The following LSMEM1 variants were observed in gnomAD, a reference collection of about 807,000 sequenced individuals.
The protein encoded by LSMEM1 is leucine-rich single-pass membrane protein 1.
Under a neutral mutation model 11.3 loss-of-function variants are expected in LSMEM1, and 10 were observed. The observed-to-expected ratio is 0.89, with a 90% confidence interval of 0.55 to 1.50. LSMEM1 has a LOEUF of 1.50. Ranked by LOEUF, LSMEM1 falls within the 40% of genes most tolerant of loss-of-function variation. The probability of loss-of-function intolerance (pLI) is 0.00; values close to 1 mark genes in which losing one functional copy is unlikely to be tolerated. For missense variants in LSMEM1, 151 were observed against 152.9 expected, an observed-to-expected ratio of 0.99 and a Z score of 0.06; for synonymous variants, 65 against 59.3, an observed-to-expected ratio of 1.10 and a Z score of -0.44.
intron 2 of LSMEM1, 71 bp downstream of exon 2, chr7:112,485,014 T>A (rs548186414): frequency 9.4e-6 from 13 of 1,380,688 alleles, no homozygotes; most frequent in Non-Finnish European, 1.3e-5. Context: ...CACTGCTGAC[T>A]GGATGTGTGG....
Position 112,484,870 on chromosome 7 carries a change from GC to G in LSMEM1, c.55del (p.Leu19PhefsTer7), listed in dbSNP as rs1403330384. Reference sequence around the variant, plus strand: ...CTTGTGGCATTCAGGAAGATGGAAAGCTTTATGTGGTGGATTCCATAAATGA... The same window carrying G: ...CTTGTGGCATTCAGGAAGATGGAAAGTTTATGTGGTGGATTCCATAAATGA... ...GSCGIQEDGK[L>X]YVVDSINDLN... On this transcript the variant is annotated frameshift_variant, in exon 2 of 4. Transcript: ENST00000312849. LOFTEE classifies it high-confidence loss of function. 6 of 1,613,886 alleles carry G rather than the reference GC, an allele frequency of 3.7e-6. No individual in the cohort carries two copies. Among genetic ancestry groups the G allele is most frequent in the Non-Finnish European group, 5.1e-6 (6 of 1,179,814 alleles).
chr7:112,481,018 A>G lies in LSMEM1; in HGVS notation c.-334A>G. 2.7e-6 allele frequency: 1 copy of G among 373,456 alleles called. No homozygotes were observed. Among genetic ancestry groups the G allele is most frequent in the Non-Finnish European group, 5.3e-6 (1 of 190,286 alleles). The allele number at this position is 373,456 out of a possible 1,614,324, so 23.1% of individuals were successfully genotyped here. A position where few individuals can be genotyped will look rare whatever the true frequency, so the allele number is the denominator to read the frequency against. ...TCCAATAAAAACCTCATCAGTTACC[A>G]ACTAAATCAGGGCATGGTGTTTTTT... On this transcript the variant is annotated 5_prime_UTR_variant, in exon 1 of 4. Coordinates refer to ENST00000312849, the MANE Select transcript of LSMEM1 (RefSeq NM_182597.3).
rs1439818619 is a variant in LSMEM1, at chr7:112,488,510, T to C, written c.257-1300T>C. Among the ~76,000 whole-genome samples, 4 of 152,310 alleles carry C rather than the reference T, an allele frequency of 2.6e-5. No individual in the cohort carries two copies. In the East Asian group the frequency reaches 7.7e-4, roughly 29 times the overall value. ...TACCAAATGCTATATATTGAGTCAT[T>C]ACTCTGTCCCAGACACTGTGCTAAG... On this transcript the variant is annotated intron_variant, in intron 3 of 3. Transcript: ENST00000312849.
intron 1 of LSMEM1, among the ~76,000 whole-genome samples, 198 bp from the exon 2 acceptor site, chr7:112,484,614 C>T (rs1197324396): frequency 6.6e-6 from 1 of 152,044 alleles, no homozygotes; most frequent in Non-Finnish European, 1.5e-5. Context: ...GCAAGCAAAG[C>T]AAAAAGAACG....
At chr7:112,487,281 T>C (rs1305375929) in intron 3 of LSMEM1, among the ~76,000 whole-genome samples, 1 of 152,214 alleles carries the variant, frequency 6.6e-6, no homozygotes, top group African/African-American at 2.4e-5. Flanking sequence ...AATATGTATG[T>C]TAAATAATTC....
intron 1 of LSMEM1, among the ~76,000 whole-genome samples, chr7:112,484,377 G>T (rs1401561673): frequency 1.3e-5 from 2 of 152,092 alleles, no homozygotes; most frequent in African/African-American, 2.4e-5. Context: ...GCTTAATTTT[G>T]TCTACCTAGT....
intron 3 of LSMEM1, among the ~76,000 whole-genome samples, chr7:112,487,402 C>G (rs983057475): frequency 7.2e-5 from 11 of 152,220 alleles, no homozygotes; most frequent in Non-Finnish European, 4.4e-5. Flanking sequence ...CCACTAAATT[C>G]AGATCTATAA....
intron 3 of LSMEM1, among the ~76,000 whole-genome samples, chr7:112,488,136 G>T (rs1796172350): frequency 6.6e-6 from 1 of 152,134 alleles, no homozygotes; most frequent in Non-Finnish European, 1.5e-5. Context: ...GTTGGGACTG[G>T]GAGGGAGGGG....
At chr7:112,482,172 C>T (rs3128384) in intron 1 of LSMEM1, among the ~76,000 whole-genome samples, 62,453 of 125,834 alleles carry the variant, frequency 0.5, 13,179 homozygotes, top group Middle Eastern at 0.67. Context: ...CGTGTTGCAG[C>T]TCATTAAAAA....
At chr7:112,484,734 T>G in intron 1 of LSMEM1, 78 bp from the exon 2 acceptor site, 1 of 1,508,224 alleles carries the variant, frequency 6.6e-7, no homozygotes. Flanking sequence ...CCTGTCTGGC[T>G]TCCTGGTGGC....
chr7:112,485,613 C>T (rs1796113986), intron 2 of LSMEM1, among the ~76,000 whole-genome samples: 1 of 152,138 alleles, frequency 6.6e-6, no homozygotes, highest in Non-Finnish European at 1.5e-5. Flanking sequence ...CTGTCTAAAT[C>T]CTTTCCAAGT....
At chr7:112,487,708 C>T (rs1554512147) in intron 3 of LSMEM1, among the ~76,000 whole-genome samples, 1 of 152,266 alleles carries the variant, frequency 6.6e-6, no homozygotes, top group Non-Finnish European at 1.5e-5. Flanking sequence ...GCGCCACCCT[C>T]CTCTCTGCCT....
At chr7:112,484,585 T>A (rs896594079) in intron 1 of LSMEM1, among the ~76,000 whole-genome samples, 1 of 152,314 alleles carries the variant, frequency 6.6e-6, no homozygotes, top group Non-Finnish European at 1.5e-5. Context: ...GGGCCACACA[T>A]TTGACTGTGA....
chr7:112,481,409 T>A (rs2117357370), intron 1 of LSMEM1, 63 bp downstream of exon 1: 1 of 152,514 alleles, frequency 6.6e-6, no homozygotes, highest in South Asian at 2.1e-4. Flanking sequence ...TCTGGGAAGT[T>A]TTTGTTGCAT....
intron 1 of LSMEM1, 73 bp from the exon 2 acceptor site, chr7:112,484,739 G>A: frequency 6.6e-7 from 1 of 1,524,440 alleles, no homozygotes. Flanking sequence ...CTGGCTTCCT[G>A]GTGGCTGTGG....
intron 3 of LSMEM1, among the ~76,000 whole-genome samples, chr7:112,489,139 A>G (rs1796191805): frequency 1.3e-5 from 2 of 152,240 alleles, no homozygotes; most frequent in African/African-American, 4.8e-5. Context: ...AAACAGAAAG[A>G]TCAGGTGAAT....
In LSMEM1 at chr7:112,490,121, G is replaced by T; in HGVS notation, c.*172G>T. ...CAAGATGGGAGCAATTCCAAGGCAA[G>T]TGGGTATGGGAATAGCAACTAAAAA... is the stretch of plus-strand genomic sequence containing the variant. On this transcript the variant is annotated 3_prime_UTR_variant, in exon 4 of 4. Coordinates refer to ENST00000312849, the MANE Select transcript of LSMEM1 (RefSeq NM_182597.3). The T allele has an allele frequency of 1.5e-6, 1 of 646,068 alleles. No individual in the cohort carries two copies. The highest frequency in any genetic ancestry group is 2.3e-5 in the South Asian group (1 of 42,646). 40.0% of individuals were successfully genotyped at this position (646,068 alleles called of 1,614,324 possible).
chr7:112,480,731 G>A (rs925777851), upstream of LSMEM1: 5 of 444,252 alleles, frequency 1.1e-5, no homozygotes, highest in Middle Eastern at 6.6e-4. Flanking sequence ...CCATGAAATC[G>A]CCCACTCACA....
chr7:112,486,542 C>T lies in LSMEM1; in HGVS notation c.128-381C>T, dbSNP rs560849517. ...CTGTAATCCCAGCACTTTGGGAGGC[C>T]GAGGAGGGCAGATCATGAGGTCAGG... On this transcript the variant is annotated intron_variant, in intron 2 of 3. Transcript: ENST00000312849. 237 of 312,158 alleles carry T rather than the reference C, an allele frequency of 7.6e-4. 1 individual carries two copies. The highest frequency in any genetic ancestry group is 1.1e-3 in the Middle Eastern group (1 of 950). 19.3% of individuals were successfully genotyped at this position (312,158 alleles called of 1,614,324 possible). A position where few individuals can be genotyped will look rare whatever the true frequency, so the allele number is the denominator to read the frequency against.
Sources: gnomAD v4.1 joint callset for allele counts (sites outside exome capture counted in the v4.1 genomes callset) on GRCh38, gnomAD v4.1.1 for gene constraint, MANE v1.5 for transcripts, NCBI Gene and HGNC (gene_info 2026-07-23, HGNC 2026-07-21) for gene names.